Variants in CCSER1 observed in about 807,000 individuals in gnomAD.
CCSER1 encodes serine-rich coiled-coil domain-containing protein 1.
Under a neutral mutation model 82.0 loss-of-function variants are expected in CCSER1, and 41 were observed. The ratio of observed to expected loss-of-function variants is 0.50; its 90% CI spans 0.39 to 0.65. CCSER1 has a LOEUF of 0.65. CCSER1 is among the 30% of genes least tolerant of loss of function. The pLI is 0.00. For missense variants in CCSER1, 1,119 were observed against 1,064.2 expected (o/e 1.05, Z -0.72); for synonymous variants, 414 against 383.9 (o/e 1.08, Z -0.92).
chr4:91,264,769 C>G (rs376767958), intron 10 of CCSER1, among the ~76,000 whole-genome samples: 67 of 151,860 alleles, frequency 4.4e-4, no homozygotes, highest in Non-Finnish European at 6.3e-4. Context: ...TGGCTATAGA[C>G]TAAAAAGATT....
intron 4 of CCSER1, among the ~76,000 whole-genome samples, chr4:90,426,578 C>A (rs1437967072): frequency 1.3e-5 from 2 of 151,936 alleles, no homozygotes; most frequent in Non-Finnish European, 2.9e-5. Flanking sequence ...GTGGTACCAA[C>A]CTTTAAAAGC....
chr4:91,084,915 C>G (rs191771088), intron 9 of CCSER1, among the ~76,000 whole-genome samples: 20 of 151,936 alleles, frequency 1.3e-4, no homozygotes, highest in African/African-American at 4.6e-4. Flanking sequence ...ATTTTTTAAA[C>G]ATAAATGCTG....
At chr4:90,517,927 C>G (rs886814219) in intron 5 of CCSER1, among the ~76,000 whole-genome samples, 1 of 151,722 alleles carries the variant, frequency 6.6e-6, no homozygotes, top group South Asian at 2.1e-4. Context: ...TTCATGACAC[C>G]AGGTTGTCTG....
At chr4:91,216,547 C>T (rs758870508) in intron 10 of CCSER1, among the ~76,000 whole-genome samples, 17 of 152,102 alleles carry the variant, frequency 1.1e-4, no homozygotes, top group Non-Finnish European at 2.2e-4. Flanking sequence ...GTCTCCATCT[C>T]CTGACTTCGT....
At position 90,591,668 on chromosome 4, in the gene CCSER1, G is replaced by A. The variant is rs184911080; in HGVS notation, c.1725-36357G>A. Reference sequence around the variant, plus strand: ...AGAATCAGAAATACCATTTGACTCCGCAATCCCATTACTGGGTATACACCC... The same window carrying A: ...AGAATCAGAAATACCATTTGACTCCACAATCCCATTACTGGGTATACACCC... On this transcript the variant is annotated intron_variant, in intron 5 of 10. Coordinates refer to ENST00000509176, the MANE Select transcript of CCSER1 (RefSeq NM_001145065.2). Among the ~76,000 whole-genome samples, 389 of 152,208 alleles carry A rather than the reference G, an allele frequency of 2.6e-3. 1 individual carries two copies. Among genetic ancestry groups the A allele is most frequent in the Admixed American group, 4.5e-3 (69 of 15,278 alleles).
At chr4:91,173,384 G>A (rs531957972) in intron 10 of CCSER1, among the ~76,000 whole-genome samples, 33 of 152,106 alleles carry the variant, frequency 2.2e-4, no homozygotes, top group Non-Finnish European at 4.3e-4. Flanking sequence ...CACGAGGTCA[G>A]GAGATCGAGA....
At chr4:91,085,835 C>T (rs1191951393) in intron 9 of CCSER1, 115 bp from the exon 10 acceptor site, 6 of 678,090 alleles carry the variant, frequency 8.8e-6, no homozygotes, top group East Asian at 8.2e-5. Context: ...ATATTCAGAT[C>T]TTCTTTGTTA....
At chr4:90,630,540 G>T (rs915198776) in intron 6 of CCSER1, among the ~76,000 whole-genome samples, 1 of 152,130 alleles carries the variant, frequency 6.6e-6, no homozygotes, top group Non-Finnish European at 1.5e-5. Context: ...TAAAGCTGAT[G>T]TAGAGTGAAC....
intron 6 of CCSER1, among the ~76,000 whole-genome samples, chr4:90,640,673 T>C (rs1726334817): frequency 6.6e-6 from 1 of 152,138 alleles, no homozygotes; most frequent in African/African-American, 2.4e-5. Flanking sequence ...ATCATGGGGA[T>C]GATTTCTCCC....
At chr4:90,185,044 A>G (rs985115220) in intron 1 of CCSER1, among the ~76,000 whole-genome samples, 4 of 152,088 alleles carry the variant, frequency 2.6e-5, no homozygotes, top group African/African-American at 9.7e-5. Flanking sequence ...TCTCTAGCCC[A>G]TGTGAGGACA....
intron 9 of CCSER1, among the ~76,000 whole-genome samples, chr4:90,976,703 T>TA (rs1414334914): frequency 1.3e-5 from 2 of 151,464 alleles, no homozygotes; most frequent in African/African-American, 4.8e-5. Flanking sequence ...TGTAAATAAA[T>TA]AAAAATGAAG....
intron 3 of CCSER1, among the ~76,000 whole-genome samples, chr4:90,381,691 G>T (rs902265003): frequency 6.6e-6 from 1 of 152,046 alleles, no homozygotes; most frequent in African/African-American, 2.4e-5. Flanking sequence ...AATGTTCATA[G>T]AAATAAATCT....
intron 9 of CCSER1, among the ~76,000 whole-genome samples, chr4:91,015,994 G>A (rs1739397521): frequency 1.3e-5 from 2 of 151,930 alleles, no homozygotes; most frequent in Non-Finnish European, 2.9e-5. Flanking sequence ...ATTTAAAACA[G>A]CTCATGTTCA....
intron 8 of CCSER1, among the ~76,000 whole-genome samples, chr4:90,886,802 A>T (rs933751045): frequency 1.3e-5 from 2 of 152,184 alleles, no homozygotes; most frequent in Non-Finnish European, 2.9e-5. Context: ...AATATTTCTT[A>T]AAAAATTCTG....
intron 10 of CCSER1, among the ~76,000 whole-genome samples, chr4:91,457,351 C>T (rs991229925): frequency 5.3e-5 from 8 of 152,040 alleles, no homozygotes; most frequent in African/African-American, 1.9e-4. Context: ...TGTTTAGTTT[C>T]AACCCAGAAG....
chr4:91,080,834 C>G (rs1295406593), intron 9 of CCSER1, among the ~76,000 whole-genome samples: 1 of 152,120 alleles, frequency 6.6e-6, no homozygotes, highest in Non-Finnish European at 1.5e-5. Context: ...GGATAAATTC[C>G]TGGACACATA....
intron 7 of CCSER1, among the ~76,000 whole-genome samples, chr4:90,798,699 AC>A (rs1324656048): frequency 9.2e-5 from 14 of 152,184 alleles, no homozygotes; most frequent in African/African-American, 3.4e-4. Flanking sequence ...TTTGATTGTG[AC>A]ATTACGTGGA....
intron 10 of CCSER1, among the ~76,000 whole-genome samples, chr4:91,478,655 A>G (rs921072322): frequency 5.9e-5 from 9 of 151,948 alleles, no homozygotes; most frequent in Non-Finnish European, 1.3e-4. Flanking sequence ...GTTAAACATG[A>G]TTTTTTTTAA....
At chr4:90,135,487 T>C (rs1723522259) in intron 1 of CCSER1, among the ~76,000 whole-genome samples, 1 of 152,222 alleles carries the variant, frequency 6.6e-6, no homozygotes, top group Non-Finnish European at 1.5e-5. Flanking sequence ...CTTTCCTGGA[T>C]CTCCAAACAT....
Sources: allele counts gnomAD v4.1 joint callset (sites outside exome capture counted in the v4.1 genomes callset), GRCh38; gene constraint gnomAD v4.1.1; transcripts MANE v1.5; gene names NCBI Gene and HGNC (gene_info 2026-07-23, HGNC 2026-07-21).